The following LHFPL6 variants were observed in gnomAD, a reference collection of about 807,000 sequenced individuals.
LHFPL6 encodes the protein LHFPL tetraspan subfamily member 6, also known as LHFPL tetraspan subfamily member 6 protein.
LHFPL6 carries 9 observed loss-of-function variants against 20.6 expected under a neutral mutation model. The ratio of observed to expected loss-of-function variants is 0.44; its 90% confidence interval spans 0.26 to 0.76. LHFPL6 has a LOEUF of 0.76. Among genes scored for constraint, LHFPL6 ranks in the 30% least tolerant of loss-of-function variants. The pLI, the probability that LHFPL6 is intolerant of heterozygous loss-of-function variation, is 0.20. For missense variants in LHFPL6, 218 were observed against 253.5 expected (o/e 0.86, Z 0.95); for synonymous variants, 105 against 98.7 (o/e 1.06, Z -0.38).
At position 39,601,224 on chromosome 13, in the gene LHFPL6, C is replaced by T. The variant is rs571289192; in HGVS notation, c.-8G>A. 65 of 1,600,038 alleles carry T rather than the reference C, an allele frequency of 4.1e-5. No individual in the cohort carries two copies. In the South Asian group the frequency reaches 6.2e-4, roughly 15 times the overall value. On this transcript the variant is annotated 5_prime_UTR_variant, in exon 2 of 4. Transcript: ENST00000379589. Reference sequence around the variant, plus strand: ...AGTCAGGCTGGATGCCATCTTTCACCAGATAGGGCAATGAGGACCCCAAGT... The same window carrying T: ...AGTCAGGCTGGATGCCATCTTTCACTAGATAGGGCAATGAGGACCCCAAGT...
At chr13:39,356,708 GAA>G (rs1869736129) in intron 3 of LHFPL6, among the ~76,000 whole-genome samples, 1 of 152,120 alleles carries the variant, frequency 6.6e-6, no homozygotes, top group East Asian at 1.9e-4. Context: ...ACAGAAATAC[GAA>G]AGACTCTCAC....
chr13:39,357,085 T>A (rs1294161258), intron 3 of LHFPL6, among the ~76,000 whole-genome samples: 1 of 152,136 alleles, frequency 6.6e-6, no homozygotes, highest in African/African-American at 2.4e-5. Context: ...GGTGACAGGA[T>A]GGCTTGAACC....
chr13:39,464,160 C>G (rs530119993), intron 2 of LHFPL6, among the ~76,000 whole-genome samples: 105 of 152,182 alleles, frequency 6.9e-4, no homozygotes, highest in African/African-American at 2.5e-3. Flanking sequence ...TTAAACAGTC[C>G]ATGAATTAGG....
chr13:39,394,817 TCA>T (rs1870803670), intron 2 of LHFPL6, among the ~76,000 whole-genome samples: 1 of 152,166 alleles, frequency 6.6e-6, no homozygotes, highest in Non-Finnish European at 1.5e-5. Context: ...ATGCTCAAAG[TCA>T]CAGTTAGTAA....
At chr13:39,538,191 T>G (rs987822232) in intron 2 of LHFPL6, among the ~76,000 whole-genome samples, 1 of 151,662 alleles carries the variant, frequency 6.6e-6, no homozygotes, top group African/African-American at 2.4e-5. Context: ...GGTTTCACCA[T>G]GTTGGGCAGG....
rs535792352 is a variant in LHFPL6, at chr13:39,585,247, G to A, written c.385+15585C>T. Reference sequence around the variant, plus strand: ...CTCATACATAGTGAGTCTTGCTAAGGAGCACAATATCAAATGAGGATTATA... The same window carrying A: ...CTCATACATAGTGAGTCTTGCTAAGAAGCACAATATCAAATGAGGATTATA... On this transcript the variant is annotated intron_variant, in intron 2 of 3. Transcript: ENST00000379589. Among the ~76,000 whole-genome samples the A allele has an allele frequency of 3.9e-5, 6 of 152,236 alleles. No homozygotes were observed. In the South Asian group the frequency reaches 1.2e-3, roughly 32 times the overall value.
chr13:39,505,742 G>T (rs1355453380), intron 2 of LHFPL6, among the ~76,000 whole-genome samples: 1 of 152,184 alleles, frequency 6.6e-6, no homozygotes, highest in Non-Finnish European at 1.5e-5. Flanking sequence ...GAGAATAGCT[G>T]ACTCTCTTGG....
intron 2 of LHFPL6, among the ~76,000 whole-genome samples, chr13:39,595,513 G>A (rs142369732): frequency 3.3e-5 from 5 of 152,118 alleles, no homozygotes; most frequent in Non-Finnish European, 7.4e-5. Flanking sequence ...GGCTGGTCTC[G>A]AGCTCCTGGC....
chr13:39,516,295 G>T (rs1195877247), intron 2 of LHFPL6, among the ~76,000 whole-genome samples: 1 of 152,192 alleles, frequency 6.6e-6, no homozygotes. Context: ...TTATTTGCAG[G>T]CCATCCTGCC....
intron 2 of LHFPL6, among the ~76,000 whole-genome samples, chr13:39,387,348 A>G (rs1284986728): frequency 6.6e-6 from 1 of 151,844 alleles, no homozygotes; most frequent in Non-Finnish European, 1.5e-5. Context: ...GGAGTTCAAA[A>G]CCAGCCTGGA....
At chr13:39,408,000 G>A (rs1456017644) in intron 2 of LHFPL6, among the ~76,000 whole-genome samples, 6 of 152,258 alleles carry the variant, frequency 3.9e-5, no homozygotes, top group South Asian at 4.1e-4. Flanking sequence ...GCATAACAGC[G>A]TAACCAAAAT....
chr13:39,457,667 G>C (rs2148934), intron 2 of LHFPL6, among the ~76,000 whole-genome samples: 60,052 of 152,024 alleles, frequency 0.4, 11,975 homozygotes, highest in Middle Eastern at 0.52. Flanking sequence ...TCAGGTATGT[G>C]GTAAAGGGAG....
chr13:39,601,751 G>A (rs1872955729), intron 1 of LHFPL6, among the ~76,000 whole-genome samples: 1 of 152,164 alleles, frequency 6.6e-6, no homozygotes. Context: ...AATGAACCAT[G>A]CCATGATTTC....
chr13:39,571,876 CT>C (rs1225970242), intron 2 of LHFPL6, among the ~76,000 whole-genome samples: 5 of 152,220 alleles, frequency 3.3e-5, no homozygotes, highest in Non-Finnish European at 7.3e-5. Context: ...GAGCTTGCTT[CT>C]GTGTCAGCAC....
rs570239850 is a variant in LHFPL6, at chr13:39,481,068, C to A, written c.386-102542G>T. On this transcript the variant is annotated intron_variant, in intron 2 of 3. Transcript: ENST00000379589. ...TGAATATCATGGATTGGTTTTCCCC[C>A]TTATTTTTCTCCCTGTATTTTTAAA... Among the ~76,000 whole-genome samples the A allele has an allele frequency of 8.3e-4, 127 of 152,188 alleles. 4 individuals carry two copies. In the South Asian group the frequency reaches 0.025, roughly 30 times the overall value.
intron 2 of LHFPL6, among the ~76,000 whole-genome samples, chr13:39,543,977 T>C (rs1870892557): frequency 6.6e-6 from 1 of 152,238 alleles, no homozygotes; most frequent in African/African-American, 2.4e-5. Context: ...AATTCTGCTG[T>C]GTCCTTTCTT....
At chr13:39,344,836 T>A (rs1274290552) in intron 3 of LHFPL6, among the ~76,000 whole-genome samples, 1 of 152,238 alleles carries the variant, frequency 6.6e-6, no homozygotes, top group Non-Finnish European at 1.5e-5. Flanking sequence ...AAGAAGTTGG[T>A]GACTTACCCA....
intron 3 of LHFPL6, among the ~76,000 whole-genome samples, chr13:39,355,621 T>C (rs1237055939): frequency 1.3e-5 from 2 of 152,170 alleles, no homozygotes; most frequent in African/African-American, 4.8e-5. Flanking sequence ...GACCCAGCCA[T>C]CTGCTGTCTT....
intron 2 of LHFPL6, among the ~76,000 whole-genome samples, chr13:39,490,762 A>G (rs1868899025): frequency 6.6e-6 from 1 of 152,212 alleles, no homozygotes; most frequent in African/African-American, 2.4e-5. Flanking sequence ...GACAGCTGCT[A>G]AGGACACAGT....
Sources: gnomAD v4.1 joint callset for allele counts (sites outside exome capture counted in the v4.1 genomes callset) on GRCh38, gnomAD v4.1.1 for gene constraint, MANE v1.5 for transcripts, NCBI Gene and HGNC (gene_info 2026-07-23, HGNC 2026-07-21) for gene names.